Variants in SORCS1 observed in about 807,000 individuals in gnomAD.
SORCS1 encodes VPS10 domain-containing receptor SorCS1.
Under a neutral mutation model 146.1 loss-of-function variants are expected in SORCS1, and 60 were observed. The observed-to-expected ratio is 0.41, with a 90% CI of 0.33 to 0.51. The LOEUF (loss-of-function observed/expected upper bound fraction) is 0.51. SORCS1 is among the 20% of genes least tolerant of loss of function. The pLI is 0.21. For missense variants in SORCS1, 1,352 were observed against 1,487.6 expected (o/e 0.91, Z 1.50); for synonymous variants, 637 against 584.0 (o/e 1.09, Z -1.31).
intron 2 of SORCS1, among the ~76,000 whole-genome samples, chr10:106,929,161 A>G (rs1015432342): frequency 6.6e-6 from 1 of 152,152 alleles, no homozygotes; most frequent in Non-Finnish European, 1.5e-5. Flanking sequence ...AGGGTGGCTT[A>G]GCCTTAGAGG....
chr10:107,027,230 G>A (rs1958448231), intron 1 of SORCS1, among the ~76,000 whole-genome samples: 1 of 151,966 alleles, frequency 6.6e-6, no homozygotes, highest in African/African-American at 2.4e-5. Context: ...AGGCAAGGAA[G>A]ATTTGGAAGC....
intron 8 of SORCS1, among the ~76,000 whole-genome samples, chr10:106,703,168 C>T (rs889922281): frequency 6.0e-5 from 9 of 151,116 alleles, no homozygotes; most frequent in African/African-American, 1.9e-4. Flanking sequence ...TGAATCTAAG[C>T]TCCTTATTTA....
chr10:106,897,084 G>A (rs1268847157), intron 2 of SORCS1, among the ~76,000 whole-genome samples: 2 of 151,892 alleles, frequency 1.3e-5, no homozygotes, highest in African/African-American at 2.4e-5. Context: ...TAGTAGAGAC[G>A]GGGTTTCACT....
Position 106,629,242 on chromosome 10 carries a change from A to C in SORCS1, c.2622T>G (p.Ser874Arg). 6.2e-7 allele frequency: 1 copy of C among 1,614,038 alleles called. No individual in the cohort carries two copies. The highest frequency in any genetic ancestry group is 8.5e-7 in the Non-Finnish European group (1 of 1,179,966). ...IFRVTVQVDN[S>R]LGSDSAVLYL... The stretch of plus-strand genomic sequence containing the variant: ...ACAGGACGGCGCTGTCAGAACCCAG[A>C]CTGTTGTCCACCTGCACGGTCACAC... Residue 874 changes from serine to arginine, a missense_variant, in exon 19 of 26, where the codon AGT becomes AGG. Physicochemically the swap from Ser to Arg is moderately radical, Grantham distance 110. This residue lies in a region of SORCS1 where 648 missense variants were observed against 793.8 expected (regional missense o/e 0.82). Coordinates refer to ENST00000263054, the MANE Select transcript of SORCS1 (RefSeq NM_052918.5).
Position 106,675,161 on chromosome 10 carries a change from T to C in SORCS1, c.1833-5A>G, listed in dbSNP as rs779293262. 1 of 1,604,554 alleles carries C rather than the reference T, an allele frequency of 6.2e-7. No individual in the cohort carries two copies. Among genetic ancestry groups the C allele is most frequent in the Non-Finnish European group, 8.5e-7 (1 of 1,172,892 alleles). On this transcript the variant is annotated splice_polypyrimidine_tract_variant and splice_region_variant and intron_variant, in intron 13 of 25. Coordinates refer to ENST00000263054, the MANE Select transcript of SORCS1 (RefSeq NM_052918.5). ...CTCCCTTCATCAAAACTCAACCTAA[T>C]GATATAAAAAATATCAGTCATCAGA...
intron 1 of SORCS1, among the ~76,000 whole-genome samples, chr10:107,056,203 G>A (rs2134083543): frequency 6.6e-6 from 1 of 152,232 alleles, no homozygotes; most frequent in Non-Finnish European, 1.5e-5. Flanking sequence ...CCTCAGAAAG[G>A]AGCCTAGATG....
At position 107,035,015 on chromosome 10, in the gene SORCS1, T is replaced by C. The variant is rs1958833793; in HGVS notation, c.559-78435A>G. ...GAAATATCTAAAAGCTGGAATGACTTGGCTATTCTGTATAATCAAGAACAC... is the reference window on the plus strand; with the variant it reads ...GAAATATCTAAAAGCTGGAATGACTCGGCTATTCTGTATAATCAAGAACAC... On this transcript the variant is annotated intron_variant, in intron 1 of 25. Transcript: ENST00000263054. 2.0e-5 allele frequency among the ~76,000 whole-genome samples: 3 copies of C among 152,180 alleles called. No homozygotes were observed. The South Asian group carries it at 6.2e-4, about 32-fold the overall frequency.
intron 4 of SORCS1, among the ~76,000 whole-genome samples, chr10:106,768,852 G>T (rs1364681914): frequency 6.6e-6 from 1 of 152,114 alleles, no homozygotes; most frequent in Non-Finnish European, 1.5e-5. Flanking sequence ...TATGTGTCAG[G>T]CTCTGTGTTC....
At chr10:106,853,518 C>T (rs926141757) in intron 2 of SORCS1, among the ~76,000 whole-genome samples, 36 of 151,168 alleles carry the variant, frequency 2.4e-4, no homozygotes, top group African/African-American at 8.5e-4. Context: ...ATTTAATTTG[C>T]TCATTTTTCC....
intron 1 of SORCS1, among the ~76,000 whole-genome samples, chr10:107,159,940 C>A (rs1337431): frequency 0.097 from 14,814 of 152,088 alleles, 1,015 homozygotes; most frequent in East Asian, 0.29. Flanking sequence ...GAAAAGGAAT[C>A]TATTCCTGAG....
At chr10:106,691,520 T>G (rs1407704744) in intron 9 of SORCS1, among the ~76,000 whole-genome samples, 1 of 152,218 alleles carries the variant, frequency 6.6e-6, no homozygotes, top group Non-Finnish European at 1.5e-5. Context: ...TTAATTAGAC[T>G]AAATATGAAG....
chr10:106,899,908 G>A (rs892268563), intron 2 of SORCS1, among the ~76,000 whole-genome samples: 1 of 151,688 alleles, frequency 6.6e-6, no homozygotes, highest in Non-Finnish European at 1.5e-5. Context: ...CCATCCTTTT[G>A]CACTCTTCCT....
intron 5 of SORCS1, among the ~76,000 whole-genome samples, chr10:106,742,795 G>T (rs1857452736): frequency 6.6e-6 from 1 of 152,150 alleles, no homozygotes; most frequent in Non-Finnish European, 1.5e-5. Flanking sequence ...ACATCATGTT[G>T]TCACTCAAAA....
chr10:106,718,945 G>A (rs1164629082), intron 6 of SORCS1, among the ~76,000 whole-genome samples: 1 of 152,066 alleles, frequency 6.6e-6, no homozygotes, highest in Non-Finnish European at 1.5e-5. Flanking sequence ...ACAGAGTGCT[G>A]ATTGGTGCGT....
chr10:106,799,510 C>T (rs1946759460), intron 3 of SORCS1, among the ~76,000 whole-genome samples: 1 of 152,100 alleles, frequency 6.6e-6, no homozygotes, highest in African/African-American at 2.4e-5. Flanking sequence ...CCAGAATCTA[C>T]AAAGAACTCA....
chr10:106,978,815 CTAAA>C (rs1956141994), intron 1 of SORCS1, among the ~76,000 whole-genome samples: 1 of 150,236 alleles, frequency 6.7e-6, no homozygotes, highest in Non-Finnish European at 1.5e-5. Context: ...AAAAAAAAGA[CTAAA>C]TAGTAAGTAT....
intron 1 of SORCS1, among the ~76,000 whole-genome samples, chr10:106,992,761 G>A (rs912649217): frequency 2.7e-5 from 4 of 150,592 alleles, no homozygotes; most frequent in Non-Finnish European, 5.9e-5. Flanking sequence ...TTCTCAGAGT[G>A]CTGGCATTAC....
At chr10:106,660,713 G>C (rs529824733) in intron 17 of SORCS1, among the ~76,000 whole-genome samples, 74 of 150,114 alleles carry the variant, frequency 4.9e-4, no homozygotes, top group Admixed American at 2.6e-3. Context: ...TCACGCCACT[G>C]CACTCCATCT....
At chr10:106,656,504 TGAGATTGCACCACTGCACTCCCGAGC>T (rs1182225594) in intron 17 of SORCS1, among the ~76,000 whole-genome samples, 2 of 151,824 alleles carry the variant, frequency 1.3e-5, no homozygotes, top group East Asian at 3.9e-4. Context: ...TGCAGTGAGC[TGAGATTGCACCACTGCACTCCCGAGC>T]GAGATTCTTT....
Sources: allele counts gnomAD v4.1 joint callset (sites outside exome capture counted in the v4.1 genomes callset), GRCh38; gene constraint gnomAD v4.1.1; regional missense constraint gnomAD v4.1.1; transcripts MANE v1.5; gene names NCBI Gene and HGNC (gene_info 2026-07-23, HGNC 2026-07-21).